NAGPA: variants seen among roughly 807,000 people sequenced by gnomAD.
The protein encoded by NAGPA is N-acetylglucosamine-1-phosphodiester alpha-N-acetylglucosaminidase.
A neutral mutation model predicts 48.5 loss-of-function variants in NAGPA; 56 were observed. The observed-to-expected ratio is 1.15, with a 90% CI of 0.93 to 1.44. The LOEUF is 1.44. NAGPA is among the 40% of genes most tolerant of loss of function. The probability of loss-of-function intolerance (pLI) is 0.00; values close to 1 mark genes in which losing one functional copy is unlikely to be tolerated. For missense variants in NAGPA, 888 were observed against 735.0 expected (o/e 1.21, Z -2.41); for synonymous variants, 399 against 315.5 (o/e 1.26, Z -2.81).
In NAGPA at chr16:5,031,848, G is replaced by A. The variant is rs1209849124; in HGVS notation, c.579C>T (p.Asn193=). The change falls in exon 3 of 10, where the codon AAC becomes AAT. Residue 193 remains asparagine (N), a synonymous_variant. Transcript: ENST00000312251. ...LSEEEVLDTE[N]PFVQLLSGVV... ...CCCCACTCAGCAGCTGCACAAATGG[G>A]TTCTCAGTGTCCAGCACCTCCTCCT... The A allele has an allele frequency of 6.2e-7, 1 of 1,614,100 alleles. No homozygotes were observed. Among genetic ancestry groups the A allele is most frequent in the Admixed American group, 1.7e-5 (1 of 60,002 alleles).
Position 5,033,687 on chromosome 16 carries a change from G to C in NAGPA, c.128C>G (p.Ala43Gly). 1 of 1,595,550 alleles carries C rather than the reference G, an allele frequency of 6.3e-7. No homozygotes were observed. Among genetic ancestry groups the C allele is most frequent in the Non-Finnish European group, 8.5e-7 (1 of 1,175,154 alleles). Reference sequence around the variant, plus strand: ...GCAGTCCCGGGGGAGGCGCGCGCGCGCGCGTGGATAGGGCAGTAGCAAGTC... The same window carrying C: ...GCAGTCCCGGGGGAGGCGCGCGCGCCCGCGTGGATAGGGCAGTAGCAAGTC... ...DDDLLLPYPR[A>G]RARLPRDCTR... The change falls in exon 2 of 10, where the codon GCG becomes GGG. Residue 43 changes from alanine to glycine, a missense_variant. Transcript: ENST00000312251. This position sits in a 1 kb window ranked among gnomAD's most constrained non-coding sequence, Gnocchi z 4.2.
At chr16:5,032,565 G>T (rs141553652) in intron 2 of NAGPA, among the ~76,000 whole-genome samples, 7 of 151,870 alleles carry the variant, frequency 4.6e-5, no homozygotes, top group African/African-American at 1.4e-4. Flanking sequence ...CGTAGTCCCA[G>T]CTACTCCAGA....
At position 5,027,363 on chromosome 16, in the gene NAGPA, C is replaced by A. The variant is rs770177369; in HGVS notation, c.1191G>T (p.Trp397Cys). ...SNCSEECPLGWHGPGCQRPCK... is the reference protein window; with the variant it reads ...SNCSEECPLGCHGPGCQRPCK... ...AAGGCCTCTGGCAGCCCGGCCCATG[C>A]CAGCCAAGGGGACACTCTATGGAAA... The change falls in exon 8 of 10, where the codon TGG (tryptophan) becomes TGT (cysteine). Residue 397 changes from tryptophan (W) to cysteine (C), a missense_variant. By Grantham distance (215) the Trp-to-Cys change is radical. Transcript: ENST00000312251. 6.2e-7 allele frequency: 1 copy of A among 1,613,726 alleles called. No individual in the cohort carries two copies. Among genetic ancestry groups the A allele is most frequent in the South Asian group, 1.1e-5 (1 of 91,062 alleles).
rs1045693 is a variant in NAGPA at position 5,025,225 on chromosome 16, G to A, written c.*253C>T. 0.52 allele frequency: 291,735 copies of A among 560,058 alleles called. 77,955 individuals are homozygous for A. The highest frequency in any genetic ancestry group is 0.67 in the African/African-American group (35,431 of 53,084). The allele number at this position is 560,058 out of a possible 1,614,324, so 34.7% of individuals were successfully genotyped here. ...GCCCTCCCGGGGGCACGGGCTTCTC[G>A]GCAGCAGACACAGGCAGGCCAGAAG... On this transcript the variant is annotated 3_prime_UTR_variant, in exon 10 of 10. Coordinates refer to ENST00000312251, the MANE Select transcript of NAGPA (RefSeq NM_016256.4).
At chr16:5,026,295 C>T (rs1955999658) in intron 9 of NAGPA, among the ~76,000 whole-genome samples, 1 of 150,038 alleles carries the variant, frequency 6.7e-6, no homozygotes, top group Admixed American at 6.8e-5. Flanking sequence ...CCTGCAATCC[C>T]AGCACTTTGT....
At chr16:5,029,156 C>T in intron 4 of NAGPA, 148 bp from the exon 5 acceptor site, 1 of 1,354,546 alleles carries the variant, frequency 7.4e-7, no homozygotes, top group Non-Finnish European at 1.0e-6. Flanking sequence ...CATCCTAGCC[C>T]CCGGAAGCTG....
Position 5,033,468 on chromosome 16 carries a change from G to A in NAGPA, c.347C>T (p.Ala116Val), listed in dbSNP as rs540387207. ...CTCCACGGTGGCGCGTCGTCTCGCC[G>A]CGCAGCCGCCGGGTCCACCGGGCTC... ...VLEPGGPGGC[A>V]ARRRATVEET... The change falls in exon 2 of 10, where the codon GCG becomes GTG. Residue 116 changes from alanine to valine, a missense_variant. By Grantham distance (64) the Ala-to-Val change is moderately conservative. Coordinates refer to ENST00000312251, the MANE Select transcript of NAGPA (RefSeq NM_016256.4). This position sits in a 1 kb window ranked among gnomAD's most constrained non-coding sequence, Gnocchi z 4.2. 4 of 1,580,744 alleles carry A rather than the reference G, an allele frequency of 2.5e-6. No homozygotes were observed. In the East Asian group the frequency reaches 6.9e-5, roughly 27 times the overall value.
rs1198211082 is a variant in NAGPA, at chr16:5,030,512, G to A, written c.683-19C>T. 1.3e-6 allele frequency: 2 copies of A among 1,545,002 alleles called. No homozygotes were observed. The highest frequency in any genetic ancestry group is 1.2e-5 in the South Asian group (1 of 83,934). ...AAGGAACCTGAAGGAAAAGCAGCCT[G>A]GCTGATCACCGCCCCTTGGGAGGCC... On this transcript the variant is annotated intron_variant, in intron 3 of 9. Transcript: ENST00000312251.
At chr16:5,027,709 G>A in intron 7 of NAGPA, 137 bp downstream of exon 7, 2 of 1,287,608 alleles carry the variant, frequency 1.6e-6, no homozygotes, top group South Asian at 2.5e-5. Context: ...ACACAGTGAT[G>A]TGCAGGTGAG....
chr16:5,030,514 C>G (rs1247431846), intron 3 of NAGPA, 21 bp from the exon 4 acceptor site: 1 of 1,543,048 alleles, frequency 6.5e-7, no homozygotes, highest in Non-Finnish European at 8.8e-7. Context: ...AGCAGCCTGG[C>G]TGATCACCGC....
chr16:5,027,428 C>T, intron 7 of NAGPA, 49 bp from the exon 8 acceptor site: 1 of 1,579,926 alleles, frequency 6.3e-7, no homozygotes, highest in Non-Finnish European at 8.7e-7. Context: ...AAGGTTGGGG[C>T]CTCCAGTGTC....
Position 5,033,728 on chromosome 16 carries a change from C to G in NAGPA, c.87G>C (p.Gly29=), listed in dbSNP as rs757514008. 4 of 1,603,268 alleles carry G rather than the reference C, an allele frequency of 2.5e-6. No homozygotes were observed. The highest frequency in any genetic ancestry group is 3.4e-6 in the Non-Finnish European group (4 of 1,177,096). The change falls in exon 2 of 10, where the codon GGG becomes GGC. Residue 29 remains glycine (G), a splice_region_variant and synonymous_variant. Transcript: ENST00000312251. The surrounding 1 kb of genome is among the most constrained non-coding windows in gnomAD (Gnocchi z 4.2). ...LWEASGGLDS[G]ASRDDDLLLP... Reference sequence around the variant, plus strand: ...GTAGCAAGTCGTCGTCGCGGGAGGCCCTGCGGGGACGGGCGGCCGTGAGCT... The same window carrying G: ...GTAGCAAGTCGTCGTCGCGGGAGGCGCTGCGGGGACGGGCGGCCGTGAGCT...
At position 5,033,741 on chromosome 16, in the gene NAGPA, G is replaced by A. The variant is rs754901558; in HGVS notation, c.87-13C>T. On this transcript the variant is annotated splice_polypyrimidine_tract_variant and intron_variant, in intron 1 of 9. Transcript: ENST00000312251. The surrounding 1 kb of genome is among the most constrained non-coding windows in gnomAD (Gnocchi z 4.2). ...GTCGCGGGAGGCCCTGCGGGGACGG[G>A]CGGCCGTGAGCTCAGGGGGCTGTCC... The A allele has an allele frequency of 9.4e-6, 15 of 1,599,768 alleles. No homozygotes were observed. The highest frequency in any genetic ancestry group is 4.0e-4 in the Middle Eastern group (2 of 5,016).
In NAGPA at chr16:5,033,603, G is replaced by A; in HGVS notation, c.212C>T (p.Pro71Leu). 4 of 1,497,374 alleles carry A rather than the reference G, an allele frequency of 2.7e-6. No homozygotes were observed. Among genetic ancestry groups the A allele is most frequent in the Non-Finnish European group, 3.5e-6 (4 of 1,135,666 alleles). The allele number at this position is 1,497,374 out of a possible 1,614,324, so 92.8% of individuals were successfully genotyped here. A position where few individuals can be genotyped will look rare whatever the true frequency, so the allele number is the denominator to read the frequency against. ...GCGCACGGCCAGACCGCCGGCGCCG[G>A]GAGTCGCGGGAGGCGGAGGCCAACT... ...HESWPPPPAT[P>L]GAGGLAVRTF... Residue 71 changes from proline to leucine, a missense_variant, in exon 2 of 10, where the codon CCC becomes CTC. Coordinates refer to ENST00000312251, the MANE Select transcript of NAGPA (RefSeq NM_016256.4). The surrounding 1 kb of genome is among the most constrained non-coding windows in gnomAD (Gnocchi z 4.2).
At chr16:5,026,209 G>A (rs1192663214) in intron 9 of NAGPA, among the ~76,000 whole-genome samples, 6 of 149,422 alleles carry the variant, frequency 4.0e-5, no homozygotes, top group East Asian at 2.0e-4. Flanking sequence ...GATTACAGGC[G>A]TGAGCCACCA....
At position 5,031,831 on chromosome 16, in the gene NAGPA, A is replaced by G. The variant is rs1956102648; in HGVS notation, c.596T>C (p.Leu199Pro). The change falls in exon 3 of 10, where the codon CTG becomes CCG. Residue 199 changes from leucine (L) to proline (P), a missense_variant. By Grantham distance (98) the Leu-to-Pro change is moderately conservative. Coordinates refer to ENST00000312251, the MANE Select transcript of NAGPA (RefSeq NM_016256.4). ...LDTENPFVQLLSGVVWLIRNG... is the reference protein window; with the variant it reads ...LDTENPFVQLPSGVVWLIRNG... The stretch of plus-strand genomic sequence containing the variant: ...ACGAATCAGCCACACGACCCCACTC[A>G]GCAGCTGCACAAATGGGTTCTCAGT... The G allele has an allele frequency of 6.2e-7, 1 of 1,614,148 alleles. No individual in the cohort carries two copies. Among genetic ancestry groups the G allele is most frequent in the African/African-American group, 1.3e-5 (1 of 75,030 alleles).
intron 4 of NAGPA, chr16:5,029,326 T>A (rs186075906): frequency 3.5e-4 from 134 of 380,732 alleles, no homozygotes; most frequent in African/African-American, 3.3e-3. Context: ...GAAGTGAGAT[T>A]TGAAATACGA....
chr16:5,031,626 G>T, intron 3 of NAGPA, 119 bp downstream of exon 3: 1 of 1,388,664 alleles, frequency 7.2e-7, no homozygotes, highest in Non-Finnish European at 1.0e-6. Flanking sequence ...CCAGTACCCA[G>T]AATAGTGCTG....
Position 5,028,999 on chromosome 16 carries a change from C to T in NAGPA, c.801G>A (p.Leu267=). Residue 267 remains leucine (L), a synonymous_variant, in exon 5 of 10, where the codon CTG becomes CTA. Transcript: ENST00000312251. ...TCAGCAGGAACTCCGCCATTTCCCA[C>T]AGGTTGATGCTGCGGCACAAAGCGG... ...DGQTEQRGIN[L]WEMAEFLLKQ... 6.2e-7 allele frequency: 1 copy of T among 1,613,498 alleles called. No individual in the cohort carries two copies. The highest frequency in any genetic ancestry group is 8.5e-7 in the Non-Finnish European group (1 of 1,180,036).
Sources: gnomAD v4.1 joint callset for allele counts (sites outside exome capture counted in the v4.1 genomes callset) on GRCh38, gnomAD v4.1.1 for gene constraint, Gnocchi (gnomAD v3.1) non-coding constraint, MANE v1.5 for transcripts, NCBI Gene and HGNC (gene_info 2026-07-23, HGNC 2026-07-21) for gene names.